The following USP47 variants were observed in gnomAD, a reference collection of about 807,000 sequenced individuals.
The protein encoded by USP47 is ubiquitin carboxyl-terminal hydrolase 47.
USP47 carries 35 observed loss-of-function variants against 165.1 expected under a neutral mutation model. The observed-to-expected ratio is 0.21, with a 90% confidence interval of 0.16 to 0.28. The LOEUF is 0.28. USP47 is among the 10% of genes least tolerant of loss of function. The probability of loss-of-function intolerance (pLI) is 1.00; values close to 1 mark genes in which losing one functional copy is unlikely to be tolerated. For synonymous variants in USP47, 531 were observed against 544.5 expected, an observed-to-expected ratio of 0.98 and a Z score of 0.35; for missense variants, 1,277 against 1,607.4, an observed-to-expected ratio of 0.79 and a Z score of 3.52.
intron 1 of USP47, among the ~76,000 whole-genome samples, chr11:11,863,936 A>T (rs1428029483): frequency 6.6e-6 from 1 of 152,132 alleles, no homozygotes; most frequent in Non-Finnish European, 1.5e-5. Context: ...CATTTCTGCA[A>T]AGACCTCTAG....
At chr11:11,935,568 C>G (rs1854998739) in intron 16 of USP47, among the ~76,000 whole-genome samples, 1 of 151,826 alleles carries the variant, frequency 6.6e-6, no homozygotes, top group Non-Finnish European at 1.5e-5. Context: ...GAGTAGAGAT[C>G]AATGGGGATA....
rs1487844640 is a variant in USP47, at chr11:11,959,482, C to CTTGTGG, written c.*3307_*3308insTTGTGG. On this transcript the variant is annotated 3_prime_UTR_variant, in exon 28 of 28. Transcript: ENST00000527733. ...ATGAGGGTTTCAAAGGAGTTCATGG[C>CTTGTGG]CCAAATGAAGCTTGTGGCCACCTAG... Among the ~76,000 whole-genome samples, 29 of 152,220 alleles carry CTTGTGG rather than the reference C, an allele frequency of 1.9e-4. No individual in the cohort carries two copies. In the East Asian group the frequency reaches 4.1e-3, roughly 21 times the overall value.
intron 3 of USP47, among the ~76,000 whole-genome samples, chr11:11,891,229 A>G (rs1393713628): frequency 6.6e-6 from 1 of 152,260 alleles, no homozygotes; most frequent in Non-Finnish European, 1.5e-5. Context: ...TCACTCTTTT[A>G]CAGGCTGAGA....
chr11:11,905,899 C>G (rs551335843), intron 8 of USP47, among the ~76,000 whole-genome samples: 2 of 151,032 alleles, frequency 1.3e-5, no homozygotes, highest in Non-Finnish European at 3.0e-5. Context: ...CTGGAAAGTA[C>G]TTTGTTTTGG....
chr11:11,880,488 TAAC>T (rs1433448580), intron 2 of USP47, 108 bp downstream of exon 2: 2 of 837,540 alleles, frequency 2.4e-6, no homozygotes, highest in Admixed American at 4.2e-5. Context: ...AACAAAAGTA[TAAC>T]AACTACAGTA....
intron 27 of USP47, among the ~76,000 whole-genome samples, chr11:11,955,512 T>C (rs1419400170): frequency 1.3e-5 from 2 of 152,240 alleles, no homozygotes; most frequent in African/African-American, 4.8e-5. Context: ...CATCTCAATT[T>C]GAACCAGGCA....
intron 1 of USP47, among the ~76,000 whole-genome samples, chr11:11,857,780 G>A (rs950560068): frequency 6.6e-6 from 1 of 152,202 alleles, no homozygotes; most frequent in African/African-American, 2.4e-5. Flanking sequence ...GTTGCAGAAA[G>A]CAACCAATCA....
chr11:11,921,652 A>C (rs1853846670), intron 10 of USP47, among the ~76,000 whole-genome samples: 1 of 151,898 alleles, frequency 6.6e-6, no homozygotes, highest in Admixed American at 6.6e-5. Context: ...TAGGATTTCT[A>C]CTCAAATAGA....
intron 11 of USP47, among the ~76,000 whole-genome samples, chr11:11,923,459 G>T (rs1417399109): frequency 6.6e-6 from 1 of 151,980 alleles, no homozygotes; most frequent in African/African-American, 2.4e-5. Flanking sequence ...TAGTTCTATG[G>T]ATTATCATTT....
In USP47 at chr11:11,929,435, A is replaced by G; in HGVS notation, c.1388A>G (p.Asn463Ser). 1 of 1,611,292 alleles carries G rather than the reference A, an allele frequency of 6.2e-7. No homozygotes were observed. Among genetic ancestry groups the G allele is most frequent in the Non-Finnish European group, 8.5e-7 (1 of 1,178,692 alleles). ...GTTACTTTTATTTTTTCCCCTTAGA[A>G]TTCCTTGATCTATGAACTTTTCTCT... ...EKISKSGLEK[N>S]SLIYELFSVM... The change falls in exon 12 of 28, where the codon AAT becomes AGT. Residue 463 changes from asparagine to serine, a missense_variant and splice_region_variant. By Grantham distance (46) the Asn-to-Ser change is conservative (BLOSUM62 1). Around this residue, in one of 4 missense-constraint regions of USP47, gnomAD observed 909 missense variants for 1,068.1 expected, o/e 0.85. Transcript: ENST00000527733.
intron 5 of USP47, among the ~76,000 whole-genome samples, chr11:11,900,719 T>A (rs1852171610): frequency 1.3e-5 from 2 of 151,952 alleles, no homozygotes; most frequent in South Asian, 4.2e-4. Context: ...TACTTAGGAG[T>A]AAAGGAAAGG....
At chr11:11,909,697 T>C (rs1852824203) in intron 8 of USP47, among the ~76,000 whole-genome samples, 1 of 152,234 alleles carries the variant, frequency 6.6e-6, no homozygotes, top group Non-Finnish European at 1.5e-5. Flanking sequence ...TACCTGTTTA[T>C]TATGACAAAA....
At chr11:11,905,777 C>A (rs1347736966) in intron 8 of USP47, among the ~76,000 whole-genome samples, 7 of 151,306 alleles carry the variant, frequency 4.6e-5, no homozygotes, top group Admixed American at 4.6e-4. Context: ...CCTCATGGTT[C>A]AGTGTTTTAT....
chr11:11,918,927 T>C (rs1223169658), intron 8 of USP47, among the ~76,000 whole-genome samples: 1 of 152,010 alleles, frequency 6.6e-6, no homozygotes, highest in Non-Finnish European at 1.5e-5. Context: ...TTGTTTTTTA[T>C]AGAACTTTCC....
chr11:11,853,152 T>C (rs1848821696), intron 1 of USP47, among the ~76,000 whole-genome samples: 1 of 152,052 alleles, frequency 6.6e-6, no homozygotes, highest in African/African-American at 2.4e-5. Flanking sequence ...AATAGTAGGG[T>C]ATGGTGATAG....
chr11:11,948,631 A>G, intron 22 of USP47, 73 bp downstream of exon 22: 1 of 1,406,142 alleles, frequency 7.1e-7, no homozygotes, highest in Non-Finnish European at 9.8e-7. Context: ...TATTTTATTC[A>G]TAGTCATTTT....
At chr11:11,950,508 G>A (rs1856146863) in intron 24 of USP47, 26 bp downstream of exon 24, 1 of 1,467,780 alleles carries the variant, frequency 6.8e-7, no homozygotes, top group Non-Finnish European at 9.4e-7. Flanking sequence ...TTGGGGGGAA[G>A]TATCAGTTAG....
At chr11:11,921,149 C>T (rs1853806957) in intron 10 of USP47, among the ~76,000 whole-genome samples, 1 of 151,464 alleles carries the variant, frequency 6.6e-6, no homozygotes, top group Non-Finnish European at 1.5e-5. Flanking sequence ...TTTGGAAACT[C>T]TTCTGATTTT....
chr11:11,940,831 C>G (rs1354529022), intron 19 of USP47, among the ~76,000 whole-genome samples: 1 of 151,078 alleles, frequency 6.6e-6, no homozygotes, highest in East Asian at 1.9e-4. Flanking sequence ...TTTTCAGTCT[C>G]CAGATTAGTC....
Sources: gnomAD v4.1 joint callset for allele counts (sites outside exome capture counted in the v4.1 genomes callset) on GRCh38, gnomAD v4.1.1 for gene constraint, gnomAD v4.1.1 regional missense constraint, MANE v1.5 for transcripts, NCBI Gene and HGNC (gene_info 2026-07-23, HGNC 2026-07-21) for gene names.